CFAP97: variants seen among roughly 807,000 people sequenced by gnomAD.
CFAP97 encodes the protein cilia and flagella associated protein 97.
In CFAP97, 36 loss-of-function variants were observed where a neutral mutation model predicts 43.1. The observed-to-expected ratio is 0.84, with a 90% CI of 0.64 to 1.10. The LOEUF is 1.10. Among genes scored for constraint, CFAP97 ranks in the 50% least tolerant of loss-of-function variants. The probability of loss-of-function intolerance (pLI) is 0.00; values close to 1 mark genes in which losing one functional copy is unlikely to be tolerated. For synonymous variants in CFAP97, 228 were observed against 225.7 expected, an observed-to-expected ratio of 1.01 and a Z score of -0.09; for missense variants, 657 against 620.3, an observed-to-expected ratio of 1.06 and a Z score of -0.63.
chr4:185,175,514 G>A (rs919373160), intron 3 of CFAP97, among the ~76,000 whole-genome samples: 3 of 152,084 alleles, frequency 2.0e-5, no homozygotes, highest in African/African-American at 2.4e-5. Context: ...TGCCTCAAGC[G>A]ATCTGCCCAC....
rs1200432569 is a variant in CFAP97, at chr4:185,160,344, A to G, written c.*2454T>C. Reference sequence around the variant, plus strand: ...TTTCTAGTTATAGATGTAAATCTTCAAAGTACATATATTCAGTACAAGTCA... The same window carrying G: ...TTTCTAGTTATAGATGTAAATCTTCGAAGTACATATATTCAGTACAAGTCA... On this transcript the variant is annotated 3_prime_UTR_variant, in exon 5 of 5. Coordinates refer to ENST00000458385, the MANE Select transcript of CFAP97 (RefSeq NM_020827.3). 1 of 152,210 alleles carries G rather than the reference A, an allele frequency of 6.6e-6. No homozygotes were observed. The highest frequency in any genetic ancestry group is 1.5e-5 in the Non-Finnish European group (1 of 68,000). 9.4% of individuals were successfully genotyped at this position (152,210 alleles called of 1,614,324 possible).
intron 2 of CFAP97, among the ~76,000 whole-genome samples, chr4:185,182,914 A>G (rs907738174): frequency 6.6e-6 from 1 of 152,002 alleles, no homozygotes; most frequent in Non-Finnish European, 1.5e-5. Context: ...AGCCTGGCCA[A>G]CATGGTGAAA....
In CFAP97 at chr4:185,176,100, T is replaced by C. The variant is rs778879098; in HGVS notation, c.1055-49A>G. The C allele has an allele frequency of 4.4e-6, 6 of 1,353,794 alleles. No homozygotes were observed. The South Asian group carries it at 4.5e-5, about 10-fold the overall frequency. The allele number at this position is 1,353,794 out of a possible 1,614,324, so 83.9% of individuals were successfully genotyped here. On this transcript the variant is annotated intron_variant, in intron 2 of 4. Transcript: ENST00000458385. ...AGAGAAAATGGCCAAAGTAAGTATG[T>C]GGTACATGCTTTTTTTTTTTTTCTC... is the stretch of plus-strand genomic sequence containing the variant.
upstream of CFAP97, among the ~76,000 whole-genome samples, chr4:185,208,752 A>T (rs1055011135): frequency 2.4e-4 from 36 of 150,450 alleles, no homozygotes; most frequent in African/African-American, 5.6e-4. Context: ...AAAGAAAGAA[A>T]GAATGAAATG....
At chr4:185,173,085 C>T (rs921324105) in intron 3 of CFAP97, among the ~76,000 whole-genome samples, 12 of 151,388 alleles carry the variant, frequency 7.9e-5, no homozygotes, top group African/African-American at 2.7e-4. Flanking sequence ...TCAAAGTCAA[C>T]GGGCACAGTG....
intron 2 of CFAP97, among the ~76,000 whole-genome samples, chr4:185,189,915 C>A (rs1452722858): frequency 6.6e-6 from 1 of 152,014 alleles, no homozygotes; most frequent in Non-Finnish European, 1.5e-5. Flanking sequence ...TTTTAAGGCA[C>A]TAAAATAAAA....
intron 3 of CFAP97, among the ~76,000 whole-genome samples, chr4:185,166,956 T>C (rs1735094327): frequency 6.6e-6 from 1 of 150,472 alleles, no homozygotes; most frequent in South Asian, 2.1e-4. Flanking sequence ...ATTCATTAAC[T>C]TTCTTAAAAC....
chr4:185,207,894 ATTAAT>A (rs1737257361), upstream of CFAP97: 1 of 152,222 alleles, frequency 6.6e-6, no homozygotes, highest in African/African-American at 2.4e-5. Flanking sequence ...AAATTGAAAA[ATTAAT>A]TTAAATTTAT....
At chr4:185,210,066 G>A (rs1044878761), upstream of CFAP97, 9 of 982,560 alleles carry the variant, frequency 9.2e-6, no homozygotes, top group African/African-American at 1.6e-4. This position sits in a 1 kb window ranked among gnomAD's most constrained non-coding sequence, Gnocchi z 4.4. Context: ...GCAGCGGGGA[G>A]GCGGCGGGGG....
chr4:185,162,554 G>A lies in CFAP97; in HGVS notation c.*244C>T, dbSNP rs531124368. 1.5e-5 allele frequency: 7 copies of A among 464,142 alleles called. No homozygotes were observed. The East Asian group carries it at 2.8e-4, about 18-fold the overall frequency. 28.8% of individuals were successfully genotyped at this position (464,142 alleles called of 1,614,324 possible). On this transcript the variant is annotated 3_prime_UTR_variant, in exon 5 of 5. Transcript: ENST00000458385. ...AACTGAATAATTAGAAGATACACATGCATACCACTATTTCTCTATTAAGAA... is the reference window on the plus strand; with the variant it reads ...AACTGAATAATTAGAAGATACACATACATACCACTATTTCTCTATTAAGAA...
intron 1 of CFAP97, among the ~76,000 whole-genome samples, chr4:185,192,529 T>C (rs1055329453): frequency 3.3e-5 from 5 of 152,134 alleles, no homozygotes; most frequent in African/African-American, 1.2e-4. Flanking sequence ...AATTTATGTA[T>C]TACTATGATA....
chr4:185,192,733 C>CTTTTTTTTTTTTTTTTTTTTTTTTT lies in CFAP97; in HGVS notation c.-16-1546_-16-1522dup, dbSNP rs760026667. Among the ~76,000 whole-genome samples, 13 of 81,418 alleles carry CTTTTTTTTTTTTTTTTTTTTTTTTT rather than the reference C, an allele frequency of 1.6e-4. 1 individual carries two copies. Among genetic ancestry groups the CTTTTTTTTTTTTTTTTTTTTTTTTT allele is most frequent in the African/African-American group, 6.5e-4 (12 of 18,352 alleles). 53.4% of individuals were successfully genotyped at this position (81,418 alleles called of 152,430 possible). On this transcript the variant is annotated intron_variant, in intron 1 of 4. Coordinates refer to ENST00000458385, the MANE Select transcript of CFAP97 (RefSeq NM_020827.3). ...CCTTCTTAAGATCAGAATTGACCTT[C>CTTTTTTTTTTTTTTTTTTTTTTTTT]TTTTTTTTTTTTTTTTTTTTTTTTT...
intron 3 of CFAP97, chr4:185,170,299 T>C (rs1215335104): frequency 6.2e-6 from 4 of 649,280 alleles, no homozygotes; most frequent in African/African-American, 5.5e-5. Context: ...GGAGCCAAGA[T>C]CACGTCACTG....
At chr4:185,200,682 G>T (rs1352245790) in intron 1 of CFAP97, among the ~76,000 whole-genome samples, 1 of 151,836 alleles carries the variant, frequency 6.6e-6, no homozygotes, top group East Asian at 1.9e-4. Context: ...TGCCTGTAGA[G>T]GCTGTGAGGC....
chr4:185,175,830 G>C lies in CFAP97; in HGVS notation c.1276C>G (p.Leu426Val). Residue 426 changes from leucine (L) to valine (V), a missense_variant, in exon 3 of 5, where the codon CTC (leucine) becomes GTC (valine). Coordinates refer to ENST00000458385, the MANE Select transcript of CFAP97 (RefSeq NM_020827.3). ...CTTTGTTGTTCCTTCTGTCTGTTGAGAGCACTGTGATATAACTTTGGGGGA... is the reference window on the plus strand; with the variant it reads ...CTTTGTTGTTCCTTCTGTCTGTTGACAGCACTGTGATATAACTTTGGGGGA... ...DHPPKLYHSALNRQKEQQRIE... is the reference protein window; with the variant it reads ...DHPPKLYHSAVNRQKEQQRIE... 1 of 1,613,900 alleles carries C rather than the reference G, an allele frequency of 6.2e-7. No homozygotes were observed. Among genetic ancestry groups the C allele is most frequent in the South Asian group, 1.1e-5 (1 of 91,068 alleles).
upstream of CFAP97, chr4:185,210,158 T>G (rs1737505148): frequency 2.0e-6 from 2 of 984,058 alleles, no homozygotes; most frequent in Admixed American, 6.2e-5. The surrounding 1 kb of genome is among the most constrained non-coding windows in gnomAD (Gnocchi z 4.4). Flanking sequence ...GGGATCCTGT[T>G]TGCCCTCGTC....
intron 1 of CFAP97, among the ~76,000 whole-genome samples, chr4:185,192,792 G>GT (rs1736342895): frequency 7.2e-6 from 1 of 139,550 alleles, no homozygotes; most frequent in African/African-American, 2.8e-5. Context: ...CCAGGCTGGA[G>GT]TGCAGTGGTG....
chr4:185,204,483 A>G (rs1419404547), upstream of CFAP97: 1 of 152,260 alleles, frequency 6.6e-6, no homozygotes, highest in East Asian at 1.9e-4. Flanking sequence ...TAGTTAAAAC[A>G]ATCTAAGGTA....
intron 4 of CFAP97, among the ~76,000 whole-genome samples, chr4:185,163,197 A>G (rs1217201979): frequency 6.6e-6 from 1 of 152,206 alleles, no homozygotes; most frequent in African/African-American, 2.4e-5. Flanking sequence ...ACTTTGTATA[A>G]CCATTTATAT....
Sources: allele counts gnomAD v4.1 joint callset (sites outside exome capture counted in the v4.1 genomes callset), GRCh38; gene constraint gnomAD v4.1.1; non-coding constraint Gnocchi (gnomAD v3.1); transcripts MANE v1.5; gene names NCBI Gene and HGNC (gene_info 2026-07-23, HGNC 2026-07-21).